Variants in GRIP1 observed in about 807,000 individuals in gnomAD.
The protein encoded by GRIP1 is glutamate receptor-interacting protein 1.
GRIP1 carries 45 observed loss-of-function variants against 129.9 expected under a neutral mutation model. That is an observed-to-expected ratio of 0.35 (90% CI 0.27 to 0.44). GRIP1 has a LOEUF of 0.44. Ranked by LOEUF, GRIP1 falls within the 20% of genes least tolerant of loss-of-function variation. GRIP1 has a pLI of 1.00. For synonymous variants in GRIP1, 530 were observed against 520.8 expected, an observed-to-expected ratio of 1.02 and a Z score of -0.24; for missense variants, 1,196 against 1,396.8, an observed-to-expected ratio of 0.86 and a Z score of 2.29.
rs573337081 is a variant in GRIP1, at chr12:66,549,285, G to A, written c.137-7335C>T. 1.3e-4 allele frequency among the ~76,000 whole-genome samples: 20 copies of A among 152,168 alleles called. 1 individual carries two copies. Among genetic ancestry groups the A allele is most frequent in the Admixed American group, 6.6e-4 (10 of 15,260 alleles). ...GTGGCAAACAGAATTATTGCTGGAC[G>A]GTGCAGAAGCAAAATGATAAAGGAG... On this transcript the variant is annotated intron_variant, in intron 2 of 24. Coordinates refer to ENST00000359742, the MANE Select transcript of GRIP1 (RefSeq NM_001366722.1).
At chr12:66,411,515 A>G (rs1195262781) in intron 15 of GRIP1, among the ~76,000 whole-genome samples, 3 of 152,234 alleles carry the variant, frequency 2.0e-5, no homozygotes, top group African/African-American at 7.2e-5. Context: ...AAGTTCACAA[A>G]GATGAGAAAG....
chr12:66,721,306 C>T (rs2036050378), intron 1 of GRIP1, among the ~76,000 whole-genome samples: 1 of 152,042 alleles, frequency 6.6e-6, no homozygotes, highest in Admixed American at 6.6e-5. Context: ...GAGACAGAGT[C>T]TCACTCTGTC....
intron 1 of GRIP1, among the ~76,000 whole-genome samples, chr12:66,650,698 T>C (rs75118090): frequency 0.013 from 1,947 of 152,280 alleles, 50 homozygotes; most frequent in African/African-American, 0.045. Flanking sequence ...GAAACCAGTG[T>C]TTGAAATACA....
intron 7 of GRIP1, among the ~76,000 whole-genome samples, chr12:66,477,203 C>CA (rs1319875232): frequency 6.6e-6 from 1 of 152,098 alleles, no homozygotes; most frequent in African/African-American, 2.4e-5. Context: ...AATCAATGTG[C>CA]AAAAATCACA....
intron 1 of GRIP1, among the ~76,000 whole-genome samples, chr12:66,757,930 T>C (rs551932022): frequency 4.6e-5 from 7 of 152,182 alleles, no homozygotes; most frequent in Non-Finnish European, 8.8e-5. Context: ...CACAATTCTA[T>C]GAAATGAAAA....
At chr12:66,424,456 C>A (rs914124498) in intron 14 of GRIP1, among the ~76,000 whole-genome samples, 1 of 152,010 alleles carries the variant, frequency 6.6e-6, no homozygotes, top group Admixed American at 6.6e-5. Flanking sequence ...CTATTACTAC[C>A]AAATTATTTT....
intron 1 of GRIP1, among the ~76,000 whole-genome samples, chr12:66,674,827 T>A (rs1433854324): frequency 1.3e-5 from 2 of 151,990 alleles, no homozygotes; most frequent in Admixed American, 6.6e-5. Context: ...TACCCATACA[T>A]GCCCAGACAG....
intron 1 of GRIP1, among the ~76,000 whole-genome samples, chr12:66,925,409 G>T (rs1269811335): frequency 6.6e-6 from 1 of 151,556 alleles, no homozygotes. Flanking sequence ...AGTATGTATG[G>T]CCTATGAGAA....
At chr12:66,583,653 A>G (rs2063496347) in intron 2 of GRIP1, among the ~76,000 whole-genome samples, 1 of 140,458 alleles carries the variant, frequency 7.1e-6, no homozygotes. Flanking sequence ...AAACACATGA[A>G]AAAATGCTCA....
Position 66,401,609 on chromosome 12 carries a change from T to TATATATATACAC in GRIP1, c.1984+4673_1984+4674insGTGTATATATAT, listed in dbSNP as rs1169241331. ...AAAAAAATATGTGTGTATATATATA[T>TATATATATACAC]ACACACACACACACACACACACACA... is the stretch of plus-strand genomic sequence containing the variant. On this transcript the variant is annotated intron_variant, in intron 16 of 24. Coordinates refer to ENST00000359742, the MANE Select transcript of GRIP1 (RefSeq NM_001366722.1). Among the ~76,000 whole-genome samples the TATATATATACAC allele has an allele frequency of 3.4e-4, 38 of 110,190 alleles. 1 individual carries two copies. The highest frequency in any genetic ancestry group is 2.6e-3 in the South Asian group (8 of 3,098). The allele number at this position is 110,190 out of a possible 152,430, so 72.3% of individuals were successfully genotyped here.
chr12:66,870,681 G>A (rs1432308488), intron 1 of GRIP1, among the ~76,000 whole-genome samples: 1 of 152,118 alleles, frequency 6.6e-6, no homozygotes, highest in African/African-American at 2.4e-5. Flanking sequence ...GGTAGAGACT[G>A]GGTTCATGCT....
intron 7 of GRIP1, among the ~76,000 whole-genome samples, chr12:66,478,879 T>C (rs529334581): frequency 6.6e-6 from 1 of 152,120 alleles, no homozygotes; most frequent in African/African-American, 2.4e-5. Flanking sequence ...GTGCCTGTTA[T>C]GGGGTGCAGC....
At chr12:66,760,124 G>C (rs1254822770) in intron 1 of GRIP1, among the ~76,000 whole-genome samples, 1 of 152,108 alleles carries the variant, frequency 6.6e-6, no homozygotes, top group East Asian at 1.9e-4. Flanking sequence ...AAAGTGCTGG[G>C]ATTACAGGTG....
chr12:66,683,923 G>A (rs946937168), upstream of GRIP1, among the ~76,000 whole-genome samples: 4 of 152,204 alleles, frequency 2.6e-5, no homozygotes, highest in African/African-American at 9.6e-5. Context: ...GTATTATGTA[G>A]GAGAGAATGG....
chr12:66,937,398 C>T (rs1175626927), intron 1 of GRIP1, among the ~76,000 whole-genome samples: 1 of 152,120 alleles, frequency 6.6e-6, no homozygotes, highest in African/African-American at 2.4e-5. Flanking sequence ...GTTGTGTGTC[C>T]ACTGCTTTAT....
At chr12:66,507,417 G>C (rs548590368) in intron 7 of GRIP1, among the ~76,000 whole-genome samples, 1 of 149,630 alleles carries the variant, frequency 6.7e-6, no homozygotes, top group Non-Finnish European at 1.5e-5. Flanking sequence ...CAGCCTGGGT[G>C]AAAGAGCGAG....
chr12:66,693,216 G>A lies in GRIP1; in HGVS notation c.-419-62880C>T, dbSNP rs191749834. Among the ~76,000 whole-genome samples the A allele has an allele frequency of 2.1e-4, 32 of 152,256 alleles. No individual in the cohort carries two copies. The East Asian group carries it at 5.6e-3, about 27-fold the overall frequency. ...AGGTTATCAAACTGGCAGCTCCAGG[G>A]CCACACGTGACCTGTAAGTACGCTC... is the stretch of plus-strand genomic sequence containing the variant. On this transcript the variant is annotated intron_variant, in intron 1 of 4. Coordinates refer to the GRIP1 transcript ENST00000538373.
chr12:67,012,314 A>G (rs1316530980), intron 1 of GRIP1, among the ~76,000 whole-genome samples: 2 of 152,200 alleles, frequency 1.3e-5, no homozygotes, highest in East Asian at 3.8e-4. Context: ...GTGTGTTATT[A>G]TCATTAAGAA....
chr12:67,069,035 C>T (rs969836843), intron 1 of GRIP1: 31 of 980,542 alleles, frequency 3.2e-5, no homozygotes, highest in Middle Eastern at 5.2e-4. Context: ...TCCCCGGCCC[C>T]GCCGCCTGGC....
Sources: gnomAD v4.1 joint callset for allele counts (sites outside exome capture counted in the v4.1 genomes callset) on GRCh38, gnomAD v4.1.1 for gene constraint, MANE v1.5 for transcripts, NCBI Gene and HGNC (gene_info 2026-07-23, HGNC 2026-07-21) for gene names.